TEX15: variants seen among roughly 807,000 people sequenced by gnomAD.
TEX15 encodes the protein testis-expressed protein 15.
Under a neutral mutation model 237.3 loss-of-function variants are expected in TEX15, and 171 were observed. That is an observed-to-expected ratio of 0.72 (90% CI 0.64 to 0.82). The LOEUF (loss-of-function observed/expected upper bound fraction) is 0.82, where lower values mean the gene tolerates loss of function less well. Among genes scored for constraint, TEX15 ranks in the 40% least tolerant of loss-of-function variants. The pLI is 0.00. For synonymous variants in TEX15, 1,338 were observed against 1,269.8 expected (o/e 1.05, Z -1.14); for missense variants, 3,750 against 3,646.5 (o/e 1.03, Z -0.73).
chr8:30,877,477 T>A (rs1249047552), intron 3 of TEX15, among the ~76,000 whole-genome samples: 2 of 152,180 alleles, frequency 1.3e-5, no homozygotes, highest in African/African-American at 4.8e-5. Context: ...TATAACCAGC[T>A]GATTTCAGTA....
rs1187082010 is a variant in TEX15 at position 30,848,941 on chromosome 8, C to A, written c.1226G>T (p.Gly409Val). Reference protein sequence around the residue: ...NWTSLKNILSGLNASFPLHNN... With the variant: ...NWTSLKNILSVLNASFPLHNN... Reference sequence around the variant, plus strand: ...GTGAAGAGGAAAAGAAGCATTAAGACCACTTAAAATATTTTTAAGACTTGT... The same window carrying A: ...GTGAAGAGGAAAAGAAGCATTAAGAACACTTAAAATATTTTTAAGACTTGT... Residue 409 changes from glycine (G) to valine (V), a missense_variant, in exon 8 of 11, where the codon GGT (glycine) becomes GTT (valine). Gly to Val is a moderately radical substitution (Grantham distance 109). Transcript: ENST00000643185. The A allele has an allele frequency of 6.2e-7, 1 of 1,614,120 alleles. No homozygotes were observed. The highest frequency in any genetic ancestry group is 8.5e-7 in the Non-Finnish European group (1 of 1,180,004).
chr8:30,879,176 T>C (rs938765944), intron 3 of TEX15, among the ~76,000 whole-genome samples: 1 of 152,176 alleles, frequency 6.6e-6, no homozygotes, highest in Admixed American at 6.5e-5. Context: ...ATGTTCCAGA[T>C]GTAAGTCCTT....
chr8:30,873,707 G>A (rs1808343606), intron 4 of TEX15, among the ~76,000 whole-genome samples: 1 of 152,116 alleles, frequency 6.6e-6, no homozygotes, highest in Non-Finnish European at 1.5e-5. Context: ...GCCAGACTCA[G>A]TTTTGCACTT....
In TEX15 at chr8:30,874,989, C is replaced by T; in HGVS notation, c.250G>A (p.Asp84Asn). Residue 84 changes from aspartate (D) to asparagine (N), a missense_variant, in exon 4 of 11, where the codon GAT becomes AAT. Transcript: ENST00000643185. Reference protein sequence around the residue: ...CDLQSLWQFGDTKLVHNEELE... With the variant: ...CDLQSLWQFGNTKLVHNEELE... ...TCCTCATTGTGAACCAGTTTTGTATCCCCAAACTGCCATAACGACTGCAGA... is the reference window on the plus strand; with the variant it reads ...TCCTCATTGTGAACCAGTTTTGTATTCCCAAACTGCCATAACGACTGCAGA... 7.2e-7 allele frequency: 1 copy of T among 1,383,910 alleles called. No individual in the cohort carries two copies. Among genetic ancestry groups the T allele is most frequent in the Non-Finnish European group, 9.4e-7 (1 of 1,068,362 alleles). 85.7% of individuals were successfully genotyped at this position (1,383,910 alleles called of 1,614,324 possible).
At position 30,860,088 on chromosome 8, in the gene TEX15, G is replaced by C. The variant is rs909530777; in HGVS notation, c.541-31C>G. On this transcript the variant is annotated intron_variant, in intron 5 of 10. Transcript: ENST00000643185. ...AAAAAAAAAGCCAAAAAAAAAGTAC[G>C]TAAAAATATACCAAAACGTTTCTAA... The C allele has an allele frequency of 2.8e-6, 4 of 1,424,826 alleles. No homozygotes were observed. The East Asian group carries it at 1.0e-4, about 37-fold the overall frequency. The allele number at this position is 1,424,826 out of a possible 1,614,324, so 88.3% of individuals were successfully genotyped here.
At chr8:30,909,070 G>A (rs1233629078) in intron 1 of TEX15, among the ~76,000 whole-genome samples, 1 of 151,944 alleles carries the variant, frequency 6.6e-6, no homozygotes, top group African/African-American at 2.4e-5. Context: ...ATCTTTATTG[G>A]CAAAGTTTCC....
Position 30,845,648 on chromosome 8 carries a change from C to T in TEX15, c.4519G>A (p.Gly1507Arg). Reference protein sequence around the residue: ...SKSHPTTSHMGEFCNQEHPES... With the variant: ...SKSHPTTSHMREFCNQEHPES... The stretch of plus-strand genomic sequence containing the variant: ...GGATGTTCTTGATTACAAAATTCTC[C>T]CATGTGACTGGTGGTGGGGTGACTT... Residue 1507 changes from glycine to arginine, a missense_variant, in exon 8 of 11, where the codon GGA (glycine) becomes AGA (arginine). Coordinates refer to ENST00000643185, the MANE Select transcript of TEX15 (RefSeq NM_001350162.2). 6.2e-7 allele frequency: 1 copy of T among 1,613,568 alleles called. No homozygotes were observed. The highest frequency in any genetic ancestry group is 8.5e-7 in the Non-Finnish European group (1 of 1,179,590).
intron 3 of TEX15, among the ~76,000 whole-genome samples, chr8:30,876,536 C>A (rs1808403106): frequency 6.6e-6 from 1 of 152,192 alleles, no homozygotes; most frequent in African/African-American, 2.4e-5. Context: ...TCAGGCACTA[C>A]AGATGTTACC....
intron 10 of TEX15, among the ~76,000 whole-genome samples, chr8:30,833,912 C>G (rs1361859195): frequency 6.6e-6 from 1 of 152,130 alleles, no homozygotes; most frequent in African/African-American, 2.4e-5. Flanking sequence ...AGAGCCATAG[C>G]TGGACTTGAT....
At chr8:30,853,139 A>C (rs942936207) in intron 7 of TEX15, among the ~76,000 whole-genome samples, 1 of 152,196 alleles carries the variant, frequency 6.6e-6, no homozygotes, top group Non-Finnish European at 1.5e-5. Context: ...GCTATAATAC[A>C]TTGCGGATGG....
chr8:30,883,163 T>C (rs1003403791), intron 3 of TEX15, among the ~76,000 whole-genome samples: 1 of 152,116 alleles, frequency 6.6e-6, no homozygotes, highest in Non-Finnish European at 1.5e-5. Context: ...CAGAGTGGAG[T>C]GCAGTGCTGT....
chr8:30,898,545 A>T (rs1029295988), intron 2 of TEX15, among the ~76,000 whole-genome samples, 197 bp downstream of exon 2: 3 of 152,204 alleles, frequency 2.0e-5, no homozygotes, highest in Admixed American at 6.5e-5. Context: ...GCCCGAGTAG[A>T]TTAAGACAGT....
chr8:30,853,958 T>C (rs1294219288), intron 7 of TEX15, among the ~76,000 whole-genome samples: 1 of 151,926 alleles, frequency 6.6e-6, no homozygotes, highest in Non-Finnish European at 1.5e-5. Context: ...TTGAGATAAA[T>C]GAAAATTACA....
At chr8:30,911,316 T>C (rs1475915741) in intron 1 of TEX15, among the ~76,000 whole-genome samples, 1 of 152,092 alleles carries the variant, frequency 6.6e-6, no homozygotes, top group African/African-American at 2.4e-5. Flanking sequence ...TTACTACTAC[T>C]ATTATTATTA....
At chr8:30,862,499 A>C (rs370941007) in intron 5 of TEX15, among the ~76,000 whole-genome samples, 1 of 152,194 alleles carries the variant, frequency 6.6e-6, no homozygotes, top group African/African-American at 2.4e-5. Context: ...CACATACACA[A>C]AAAACTCTGT....
In TEX15 at chr8:30,844,660, T is replaced by C; in HGVS notation, c.5507A>G (p.Lys1836Arg). Residue 1836 changes from lysine to arginine, a missense_variant, in exon 8 of 11, where the codon AAG becomes AGG. Transcript: ENST00000643185. ...CGTTATTCTGTCCTCAGTGTCTTTC[T>C]TCACAATACATGTTTCTGAAGAGGA... ...KGSSSETCIVKKDTEDRITWK... is the reference protein window; with the variant it reads ...KGSSSETCIVRKDTEDRITWK... 1 of 1,613,394 alleles carries C rather than the reference T, an allele frequency of 6.2e-7. No individual in the cohort carries two copies. Among genetic ancestry groups the C allele is most frequent in the Non-Finnish European group, 8.5e-7 (1 of 1,179,606 alleles).
Position 30,845,467 on chromosome 8 carries a change from A to G in TEX15, c.4700T>C (p.Leu1567Pro). Residue 1567 changes from leucine to proline, a missense_variant, in exon 8 of 11, where the codon CTA (leucine) becomes CCA (proline). Coordinates refer to ENST00000643185, the MANE Select transcript of TEX15 (RefSeq NM_001350162.2). Reference protein sequence around the residue: ...LFSPDHSDEKLIEKENQIDTA... With the variant: ...LFSPDHSDEKPIEKENQIDTA... ...ATCAATTTGATTTTCTTTTTCTATT[A>G]GTTTCTCATCTGAGTGGTCTGGGGA... The G allele has an allele frequency of 6.2e-7, 1 of 1,613,148 alleles. No homozygotes were observed. Among genetic ancestry groups the G allele is most frequent in the East Asian group, 2.2e-5 (1 of 44,848 alleles).
chr8:30,888,598 CA>C, intron 2 of TEX15: 5 of 1,285,960 alleles, frequency 3.9e-6, no homozygotes, highest in Non-Finnish European at 5.1e-6. Context: ...ATGGAGTATA[CA>C]CACAGGGAAA....
intron 7 of TEX15, among the ~76,000 whole-genome samples, 182 bp downstream of exon 7, chr8:30,858,486 A>G (rs1251709297): frequency 6.6e-6 from 1 of 151,912 alleles, no homozygotes; most frequent in Non-Finnish European, 1.5e-5. Flanking sequence ...TAACTTTTGT[A>G]TTTTTACTAG....
Sources: gnomAD v4.1 joint callset for allele counts (sites outside exome capture counted in the v4.1 genomes callset) on GRCh38, gnomAD v4.1.1 for gene constraint, MANE v1.5 for transcripts, NCBI Gene and HGNC (gene_info 2026-07-23, HGNC 2026-07-21) for gene names.